Variants in CAMKMT observed in about 807,000 individuals in gnomAD.
CAMKMT encodes the protein calmodulin-lysine N-methyltransferase, also known as CaM KMT.
In CAMKMT, 53 loss-of-function variants were observed where a neutral mutation model predicts 48.0. The observed-to-expected ratio is 1.10, with a 90% confidence interval of 0.89 to 1.39. The LOEUF is 1.39. Ranked by LOEUF, CAMKMT falls within the 40% of genes most tolerant of loss-of-function variation. CAMKMT has a pLI of 0.00. For synonymous variants in CAMKMT, 165 were observed against 152.3 expected (o/e 1.08, Z -0.61); for missense variants, 428 against 402.7 (o/e 1.06, Z -0.54).
chr2:44,366,802 A>C (rs1233223295), intron 1 of CAMKMT, among the ~76,000 whole-genome samples: 1 of 151,302 alleles, frequency 6.6e-6, no homozygotes, highest in Non-Finnish European at 1.5e-5. Context: ...GCTCACTGCA[A>C]CCTCCATGTC....
chr2:44,436,635 A>C (rs1432417983), intron 3 of CAMKMT, among the ~76,000 whole-genome samples: 1 of 152,126 alleles, frequency 6.6e-6, no homozygotes, highest in Non-Finnish European at 1.5e-5. Flanking sequence ...GCCATACAAA[A>C]ACATTCTGAG....
At chr2:44,401,998 T>G (rs568132109) in intron 3 of CAMKMT, among the ~76,000 whole-genome samples, 1 of 152,252 alleles carries the variant, frequency 6.6e-6, no homozygotes, top group African/African-American at 2.4e-5. Flanking sequence ...GGGAAGTAAT[T>G]TTTTGAGAAC....
chr2:44,544,273 T>G (rs937044942), intron 3 of CAMKMT, among the ~76,000 whole-genome samples: 5 of 152,196 alleles, frequency 3.3e-5, no homozygotes, highest in South Asian at 2.1e-4. Flanking sequence ...CAAGGGTTAT[T>G]TATTTTGTCA....
At chr2:44,457,494 G>GT (rs1419520514) in intron 3 of CAMKMT, among the ~76,000 whole-genome samples, 1 of 151,608 alleles carries the variant, frequency 6.6e-6, no homozygotes, top group Non-Finnish European at 1.5e-5. Context: ...CACCCCCCGG[G>GT]TTCAAGCGAT....
intron 2 of CAMKMT, among the ~76,000 whole-genome samples, chr2:44,375,712 G>A (rs1039415859): frequency 3.3e-5 from 5 of 152,078 alleles, no homozygotes; most frequent in African/African-American, 4.8e-5. Context: ...CTACTGAGAA[G>A]AGGCCATTGC....
At chr2:44,543,029 T>G (rs1667214848) in intron 3 of CAMKMT, among the ~76,000 whole-genome samples, 1 of 152,220 alleles carries the variant, frequency 6.6e-6, no homozygotes, top group Admixed American at 6.5e-5. Flanking sequence ...TATAGCTTCT[T>G]AGATGCAAAT....
intron 3 of CAMKMT, among the ~76,000 whole-genome samples, chr2:44,508,507 C>G (rs1244377744): frequency 6.6e-6 from 1 of 152,182 alleles, no homozygotes; most frequent in African/African-American, 2.4e-5. Flanking sequence ...CCTTCCCTCA[C>G]ACTCAAAGGT....
intron 3 of CAMKMT, among the ~76,000 whole-genome samples, chr2:44,458,750 G>A (rs1437554102): frequency 2.0e-5 from 3 of 152,108 alleles, no homozygotes; most frequent in Admixed American, 6.5e-5. Context: ...GAGAGAAATC[G>A]ATAAAAGGCG....
chr2:44,429,701 T>C, intron 3 of CAMKMT, among the ~76,000 whole-genome samples: 1 of 147,580 alleles, frequency 6.8e-6, no homozygotes. Context: ...CTCGGGAGGC[T>C]GAGGCAGGAG....
At chr2:44,768,361 A>ATATATTT (rs35058824) in intron 10 of CAMKMT, among the ~76,000 whole-genome samples, 76 of 115,722 alleles carry the variant, frequency 6.6e-4, no homozygotes, top group African/African-American at 1.1e-3. Flanking sequence ...ATATATATAT[A>ATATATTT]TTTTTTTTTT....
At chr2:44,495,381 C>A (rs1480276074) in intron 3 of CAMKMT, among the ~76,000 whole-genome samples, 3 of 152,074 alleles carry the variant, frequency 2.0e-5, no homozygotes, top group Non-Finnish European at 4.4e-5. Flanking sequence ...TGGCCTCAAG[C>A]AATCCTCCTG....
At chr2:44,425,539 T>A (rs1684223032) in intron 3 of CAMKMT, among the ~76,000 whole-genome samples, 1 of 152,192 alleles carries the variant, frequency 6.6e-6, no homozygotes, top group Non-Finnish European at 1.5e-5. Flanking sequence ...ATTCATATAT[T>A]TATAAGAAAA....
chr2:44,721,867 G>A (rs374360392), intron 7 of CAMKMT, among the ~76,000 whole-genome samples: 2 of 142,016 alleles, frequency 1.4e-5, no homozygotes, highest in Non-Finnish European at 3.1e-5. Context: ...GGAGGGGAGG[G>A]AAGGGGAGGC....
At chr2:44,433,862 T>C (rs1015915337) in intron 3 of CAMKMT, among the ~76,000 whole-genome samples, 22 of 152,204 alleles carry the variant, frequency 1.4e-4, no homozygotes, top group Non-Finnish European at 2.9e-5. Flanking sequence ...CTTGCTATAG[T>C]GGGATCTCAC....
intron 2 of CAMKMT, among the ~76,000 whole-genome samples, chr2:44,380,943 C>T (rs1297976618): frequency 5.3e-5 from 8 of 151,884 alleles, no homozygotes; most frequent in East Asian, 1.9e-4. Context: ...GGGTGGGTCA[C>T]GAGGTCAGGA....
At chr2:44,720,364 T>C (rs185899644) in intron 7 of CAMKMT, among the ~76,000 whole-genome samples, 11 of 152,312 alleles carry the variant, frequency 7.2e-5, no homozygotes, top group African/African-American at 1.2e-4. Flanking sequence ...AGGTGCTGTA[T>C]TGATAGCTAG....
At chr2:44,766,765 TC>T (rs1680860006) in intron 10 of CAMKMT, among the ~76,000 whole-genome samples, 1 of 101,286 alleles carries the variant, frequency 9.9e-6, no homozygotes, top group Non-Finnish European at 1.9e-5. Context: ...CAGAAACCAT[TC>T]CTGTTTACTC....
rs986319026 is a variant in CAMKMT at position 44,372,859 on chromosome 2, C to A, written c.282C>A (p.Ile94=). The A allele has an allele frequency of 5.6e-6, 9 of 1,613,702 alleles. No individual in the cohort carries two copies. The highest frequency in any genetic ancestry group is 7.6e-6 in the Non-Finnish European group (9 of 1,179,864). Residue 94 remains isoleucine, a synonymous_variant, in exon 2 of 11, where the codon ATC becomes ATA. Coordinates refer to ENST00000378494, the MANE Select transcript of CAMKMT (RefSeq NM_024766.5). ...EVGAWVQYTS[I]FCPEYSISLR... is the part of the protein sequence containing the mutation. ...GTGCATGGGTCCAATATACAAGCAT[C>A]TTCTGTCCTGAATACAGTATCTCCT...
intron 9 of CAMKMT, among the ~76,000 whole-genome samples, chr2:44,754,879 A>C (rs1198625107): frequency 6.6e-6 from 1 of 152,184 alleles, no homozygotes; most frequent in East Asian, 1.9e-4. Flanking sequence ...TAACTATGTA[A>C]GACTCTTGCT....
Sources: gnomAD v4.1 joint callset for allele counts (sites outside exome capture counted in the v4.1 genomes callset) on GRCh38, gnomAD v4.1.1 for gene constraint, MANE v1.5 for transcripts, NCBI Gene and HGNC (gene_info 2026-07-23, HGNC 2026-07-21) for gene names.